C3orf52: variants seen among roughly 807,000 people sequenced by gnomAD.
The protein encoded by C3orf52 is TPA-induced transmembrane protein.
In C3orf52, 22 loss-of-function variants were observed where a neutral mutation model predicts 24.8. The observed-to-expected ratio is 0.89, with a 90% CI of 0.63 to 1.27. The LOEUF is 1.27. C3orf52 is among the 50% of genes most tolerant of loss of function. The pLI, the probability that C3orf52 is intolerant of heterozygous loss-of-function variation, is 0.00. For missense variants in C3orf52, 265 were observed against 260.7 expected (o/e 1.02, Z -0.11); for synonymous variants, 93 against 100.2 (o/e 0.93, Z 0.43).
At chr3:112,124,153 G>A (rs577319486) in intron 4 of C3orf52, among the ~76,000 whole-genome samples, 9 of 152,240 alleles carry the variant, frequency 5.9e-5, no homozygotes, top group African/African-American at 1.2e-4. Context: ...TGCCATCCTC[G>A]CAGTTATGAG....
At chr3:112,123,140 G>A (rs2074231467), downstream of C3orf52, 1 of 342,278 alleles carries the variant, frequency 2.9e-6, no homozygotes, top group Non-Finnish European at 5.4e-6. Context: ...CCAGACAGAA[G>A]AGCAGAGCCC....
chr3:112,107,051 T>C (rs1311242732), intron 3 of C3orf52, among the ~76,000 whole-genome samples: 1 of 152,160 alleles, frequency 6.6e-6, no homozygotes, highest in African/African-American at 2.4e-5. Flanking sequence ...TGTAAATATG[T>C]CCTAAGTACA....
rs558114039 is a variant in C3orf52 at position 112,127,047 on chromosome 3, G to A, written c.*47-1186G>A. The A allele has an allele frequency of 2.6e-4, 401 of 1,545,062 alleles. 4 individuals are homozygous for A. The South Asian group carries it at 4.5e-3, about 17-fold the overall frequency. On this transcript the variant is annotated intron_variant, in intron 4 of 4. Transcript: ENST00000480282. ...AGTATTTTTTTCCTGTAAAAGAAAA[G>A]CAAAGCAAATTGTTTTAATATTCAG...
At chr3:112,099,552 C>G (rs1023996420) in intron 2 of C3orf52, among the ~76,000 whole-genome samples, 1 of 152,164 alleles carries the variant, frequency 6.6e-6, no homozygotes, top group South Asian at 2.1e-4. Flanking sequence ...CATGCTAATT[C>G]ATTGACCTGA....
intron 4 of C3orf52, chr3:112,125,270 A>C: frequency 6.5e-7 from 1 of 1,546,678 alleles, no homozygotes; most frequent in Non-Finnish European, 8.9e-7. Context: ...GAAAGAAAAT[A>C]CACTCAATGA....
chr3:112,130,838 T>G (rs2074435915), downstream of C3orf52: 1 of 353,958 alleles, frequency 2.8e-6, no homozygotes, highest in Non-Finnish European at 5.4e-6. Context: ...AGGCCTGAGG[T>G]CCTCAGCTAC....
At position 112,095,510 on chromosome 3, in the gene C3orf52, C is replaced by T. The variant is rs543556837; in HGVS notation, c.268+2021C>T. Among the ~76,000 whole-genome samples, 5 of 152,308 alleles carry T rather than the reference C, an allele frequency of 3.3e-5. No individual in the cohort carries two copies. In the East Asian group the frequency reaches 9.6e-4, roughly 29 times the overall value. On this transcript the variant is annotated intron_variant, in intron 2 of 5. Transcript: ENST00000264848. ...AAAAAGTCATCTAACCTCTTCACCT[C>T]ACAAAGAGCAGTCTGCAAGAGGAAG...
downstream of C3orf52, chr3:112,119,331 C>G (rs541067842): frequency 6.0e-5 from 38 of 636,272 alleles, 1 homozygote; most frequent in Admixed American, 5.5e-4. Context: ...GCTGAGATCA[C>G]GCCATTGCAC....
chr3:112,087,807 A>T (rs537049209), intron 1 of C3orf52, among the ~76,000 whole-genome samples: 1 of 152,308 alleles, frequency 6.6e-6, no homozygotes, highest in Admixed American at 6.5e-5. Context: ...TACTTGCCTC[A>T]GATTAGATGG....
downstream of C3orf52, chr3:112,133,235 T>C: frequency 9.2e-7 from 1 of 1,087,576 alleles, no homozygotes; most frequent in Non-Finnish European, 1.4e-6. Flanking sequence ...TGGCCACCCG[T>C]GCAGAGACAG....
chr3:112,122,410 T>C (rs1386770747), downstream of C3orf52: 25 of 151,934 alleles, frequency 1.6e-4, no homozygotes, highest in Admixed American at 1.6e-3. Context: ...GGCCTGGGGG[T>C]TATAGTTTGC....
rs141445411 is a variant in C3orf52 at position 112,091,544 on chromosome 3, A to G, written c.139-1816A>G. Among the ~76,000 whole-genome samples the G allele has an allele frequency of 4.0e-3, 605 of 152,220 alleles. 2 individuals carry two copies. Among genetic ancestry groups the G allele is most frequent in the Middle Eastern group, 0.01 (3 of 294 alleles). ...ATGGCCTCCTCCCACCTCCCTTACA[A>G]TCTGGTCCACTAGGTGCAGGTGGGG... is the stretch of plus-strand genomic sequence containing the variant. On this transcript the variant is annotated intron_variant, in intron 1 of 5. Transcript: ENST00000264848.
intron 1 of C3orf52, among the ~76,000 whole-genome samples, chr3:112,088,661 T>TTCTATCTATCTATCTATCTA (rs148242711): frequency 1.3e-5 from 2 of 151,966 alleles, no homozygotes; most frequent in East Asian, 3.9e-4. Flanking sequence ...TGTTGATTTA[T>TTCTATCTATCTATCTATCTA]TCTATCTATC....
rs369037403 is a variant in C3orf52 at position 112,123,727 on chromosome 3, T to C, written c.*46+4165T>C. On this transcript the variant is annotated intron_variant, in intron 4 of 4. Coordinates refer to the C3orf52 transcript ENST00000480282. ...CTTGTACAGAGAACCCGATGATTGATGAGGGTATAGCACAGCTCCTCTGAG... is the reference window on the plus strand; with the variant it reads ...CTTGTACAGAGAACCCGATGATTGACGAGGGTATAGCACAGCTCCTCTGAG... 6.2e-6 allele frequency: 10 copies of C among 1,613,880 alleles called. No individual in the cohort carries two copies. The African/African-American group carries it at 1.2e-4, about 19-fold the overall frequency.
chr3:112,100,253 T>A (rs2107780110), intron 2 of C3orf52, among the ~76,000 whole-genome samples: 1 of 152,338 alleles, frequency 6.6e-6, no homozygotes, highest in Non-Finnish European at 1.5e-5. Flanking sequence ...CTTGAAGGTA[T>A]CTGGCGTTTA....
downstream of C3orf52, among the ~76,000 whole-genome samples, chr3:112,131,158 A>G (rs1054176664): frequency 2.0e-5 from 3 of 152,168 alleles, no homozygotes; most frequent in African/African-American, 7.2e-5. Context: ...AATCCATAAG[A>G]TAGATATTAT....
chr3:112,126,962 A>G (rs760373514), intron 4 of C3orf52: 2 of 1,507,032 alleles, frequency 1.3e-6, no homozygotes, highest in South Asian at 2.3e-5. Context: ...TCAAAAGTGA[A>G]AATACTAGGA....
intron 4 of C3orf52, 88 bp from the exon 5 acceptor site, chr3:112,112,876 T>TA (rs76778672): frequency 0.043 from 38,601 of 907,226 alleles, 68 homozygotes; most frequent in African/African-American, 0.064. Context: ...CATGCAAAAC[T>TA]AAAAAAAAAA....
intron 3 of C3orf52, among the ~76,000 whole-genome samples, chr3:112,108,444 C>T (rs1345258669): frequency 1.3e-5 from 2 of 152,158 alleles, no homozygotes; most frequent in Non-Finnish European, 2.9e-5. Context: ...ATGCACCTAC[C>T]CTTAAACCCA....
Sources: gnomAD v4.1 joint callset for allele counts (sites outside exome capture counted in the v4.1 genomes callset) on GRCh38, gnomAD v4.1.1 for gene constraint, MANE v1.5 for transcripts, NCBI Gene and HGNC (gene_info 2026-07-23, HGNC 2026-07-21) for gene names.